ABTB3: variants seen among roughly 807,000 people sequenced by gnomAD.
The protein encoded by ABTB3 is ankyrin repeat and BTB domain containing 3, also known as ankyrin repeat- and BTB/POZ domain-containing protein 3.
chr12:107,321,095 A>G, the ABTB3 span, among the ~76,000 whole-genome samples: 1 of 152,226 alleles, frequency 6.6e-6, no homozygotes, highest in Non-Finnish European at 1.5e-5. Context: ...TCCACAGGAA[A>G]TGGTAGAAAC....
chr12:107,620,225 T>C, the ABTB3 span: 1 of 1,579,018 alleles, frequency 6.3e-7, no homozygotes, highest in Admixed American at 1.8e-5. Context: ...GGTTCCCAGA[T>C]CTGAACGGTC....
chr12:107,525,517 T>C, the ABTB3 span, among the ~76,000 whole-genome samples: 1 of 152,190 alleles, frequency 6.6e-6, no homozygotes, highest in Non-Finnish European at 1.5e-5. Context: ...CTGAGAGTGA[T>C]AGGCTACACC....
the ABTB3 span, among the ~76,000 whole-genome samples, chr12:107,473,643 C>T: frequency 6.6e-6 from 1 of 151,984 alleles, no homozygotes; most frequent in Non-Finnish European, 1.5e-5. Context: ...TGAACTTCCC[C>T]TAAATGGACT....
chr12:107,553,701 G>A, the ABTB3 span, among the ~76,000 whole-genome samples: 2 of 152,194 alleles, frequency 1.3e-5, no homozygotes, highest in Non-Finnish European at 2.9e-5. Flanking sequence ...CATTTTGGGA[G>A]GCCAAGGCAG....
At chr12:107,326,314 G>A in the ABTB3 span, among the ~76,000 whole-genome samples, 3 of 152,188 alleles carry the variant, frequency 2.0e-5, no homozygotes, top group Non-Finnish European at 2.9e-5. Flanking sequence ...GTTGGAGGAG[G>A]TAGGAGGGTC....
the ABTB3 span, among the ~76,000 whole-genome samples, chr12:107,505,376 C>T: frequency 6.6e-6 from 1 of 151,798 alleles, no homozygotes; most frequent in Non-Finnish European, 1.5e-5. Context: ...ATTCTGACAC[C>T]GAGAAAAACT....
the ABTB3 span, among the ~76,000 whole-genome samples, chr12:107,596,573 C>G: frequency 1.3e-5 from 2 of 152,270 alleles, no homozygotes; most frequent in South Asian, 4.1e-4. Flanking sequence ...TGAGATCGCA[C>G]TACCACACTC....
At chr12:107,415,957 A>G in the ABTB3 span, among the ~76,000 whole-genome samples, 1 of 152,018 alleles carries the variant, frequency 6.6e-6, no homozygotes, top group East Asian at 1.9e-4. Flanking sequence ...ATGTCAGATG[A>G]CTATGGAATT....
chr12:107,563,895 G>C, the ABTB3 span, among the ~76,000 whole-genome samples: 2 of 152,174 alleles, frequency 1.3e-5, no homozygotes, highest in Non-Finnish European at 1.5e-5. Flanking sequence ...TGCGAATGTA[G>C]GTTGAGGCTA....
At chr12:107,559,202 G>A in the ABTB3 span, among the ~76,000 whole-genome samples, 2 of 152,212 alleles carry the variant, frequency 1.3e-5, no homozygotes, top group Non-Finnish European at 2.9e-5. Context: ...CAAGCCCATG[G>A]CTGAGTGAGT....
At chr12:107,618,943 C>T in the ABTB3 span, among the ~76,000 whole-genome samples, 1 of 152,164 alleles carries the variant, frequency 6.6e-6, no homozygotes, top group Non-Finnish European at 1.5e-5. Flanking sequence ...GCTGGCTCTT[C>T]CTTGGGTAAG....
At chr12:107,521,476 A>C in the ABTB3 span, among the ~76,000 whole-genome samples, 1 of 152,118 alleles carries the variant, frequency 6.6e-6, no homozygotes, top group Admixed American at 6.5e-5. Flanking sequence ...CAGCTTTCAC[A>C]AGAGGGTTTG....
the ABTB3 span, among the ~76,000 whole-genome samples, chr12:107,558,285 A>C: frequency 6.6e-6 from 1 of 152,246 alleles, no homozygotes; most frequent in Admixed American, 6.5e-5. Flanking sequence ...GCTTCTCTCT[A>C]TGGGTTAGTA....
the ABTB3 span, chr12:107,543,911 C>G: frequency 4.4e-6 from 7 of 1,594,898 alleles, no homozygotes; most frequent in African/African-American, 8.1e-5. Context: ...CCTGGAGGAT[C>G]TGAAATCTTC....
the ABTB3 span, among the ~76,000 whole-genome samples, chr12:107,452,248 G>A: frequency 0.018 from 2,376 of 131,016 alleles, 76 homozygotes; most frequent in African/African-American, 0.063. Flanking sequence ...TCACTCTGTC[G>A]CCCAGGCTGG....
At chr12:107,467,646 A>T in the ABTB3 span, among the ~76,000 whole-genome samples, 1 of 152,140 alleles carries the variant, frequency 6.6e-6, no homozygotes, top group Non-Finnish European at 1.5e-5. Flanking sequence ...TCACACACAC[A>T]TGCCAACACA....
At chr12:107,398,128 A>G in the ABTB3 span, among the ~76,000 whole-genome samples, 439 of 152,154 alleles carry the variant, frequency 2.9e-3, 3 homozygotes, top group African/African-American at 0.01. Context: ...TCCATTACAC[A>G]GCCTGGCCAC....
chr12:107,538,223 G>A, the ABTB3 span, among the ~76,000 whole-genome samples: 1 of 152,252 alleles, frequency 6.6e-6, no homozygotes, highest in Admixed American at 6.5e-5. Context: ...GCAGCGTGGT[G>A]TGGGGGAGAG....
chr12:107,520,705 A>G, the ABTB3 span: 9 of 1,580,180 alleles, frequency 5.7e-6, no homozygotes, highest in African/African-American at 5.4e-5. Flanking sequence ...AAGTGACACA[A>G]TGTCCTCATG....
Sources: allele counts gnomAD v4.1 joint callset (sites outside exome capture counted in the v4.1 genomes callset), GRCh38; gene constraint gnomAD v4.1.1; transcripts MANE v1.5; gene names NCBI Gene and HGNC (gene_info 2026-07-23, HGNC 2026-07-21).